KLHL8: variants seen among roughly 807,000 people sequenced by gnomAD.
KLHL8 encodes kelch like family member 8.
Under a neutral mutation model 63.5 loss-of-function variants are expected in KLHL8, and 38 were observed. That is an observed-to-expected ratio of 0.60 (90% CI 0.46 to 0.78). KLHL8 has a LOEUF of 0.78. Ranked by LOEUF, KLHL8 falls within the 30% of genes least tolerant of loss-of-function variation. The probability of loss-of-function intolerance (pLI) is 0.00; values close to 1 mark genes in which losing one functional copy is unlikely to be tolerated. For missense variants in KLHL8, 566 were observed against 752.4 expected, an observed-to-expected ratio of 0.75 and a Z score of 2.90; for synonymous variants, 224 against 254.3, an observed-to-expected ratio of 0.88 and a Z score of 1.13.
At chr4:87,183,180 A>T in intron 4 of KLHL8, 23 bp downstream of exon 4, 1 of 1,553,526 alleles carries the variant, frequency 6.4e-7, no homozygotes, top group Non-Finnish European at 8.8e-7. Context: ...CTTCCAGGAG[A>T]ATTGACAAAA....
chr4:87,217,195 G>A (rs1732627517), intron 1 of KLHL8, among the ~76,000 whole-genome samples: 1 of 151,516 alleles, frequency 6.6e-6, no homozygotes, highest in South Asian at 2.1e-4. Flanking sequence ...TATTTAAAAT[G>A]CTCAACTCCC....
At chr4:87,176,693 C>T (rs999566697) in intron 6 of KLHL8, 64 bp downstream of exon 6, 8 of 928,082 alleles carry the variant, frequency 8.6e-6, no homozygotes, top group Non-Finnish European at 1.3e-5. Context: ...TAAAATAAGG[C>T]CTTTAAATTT....
At chr4:87,207,456 C>T in intron 1 of KLHL8, 3 of 730,456 alleles carry the variant, frequency 4.1e-6, no homozygotes, top group Non-Finnish European at 7.5e-6. Context: ...TCTCTCCCCA[C>T]TTTGTTGACG....
At chr4:87,171,384 G>GTTATATTTAGTT (rs1455763001) in intron 6 of KLHL8, among the ~76,000 whole-genome samples, 14 of 152,074 alleles carry the variant, frequency 9.2e-5, no homozygotes, top group Non-Finnish European at 1.3e-4. Flanking sequence ...TGAAGTATTA[G>GTTATATTTAGTT]CTTTTATTAT....
chr4:87,197,923 T>C (rs1441928256), intron 1 of KLHL8, among the ~76,000 whole-genome samples: 1 of 149,294 alleles, frequency 6.7e-6, no homozygotes, highest in Non-Finnish European at 1.5e-5. Context: ...AACTCTGTCA[T>C]TGTAACACAA....
intron 1 of KLHL8, among the ~76,000 whole-genome samples, chr4:87,214,879 G>C (rs1428503926): frequency 6.6e-6 from 1 of 151,956 alleles, no homozygotes; most frequent in Non-Finnish European, 1.5e-5. Context: ...GCTCACTGCA[G>C]CCTCCTCCTC....
chr4:87,191,093 G>T (rs959742332), intron 2 of KLHL8, among the ~76,000 whole-genome samples: 1 of 152,128 alleles, frequency 6.6e-6, no homozygotes. Flanking sequence ...TATTTAAAAT[G>T]AATAGTGAAG....
intron 1 of KLHL8, among the ~76,000 whole-genome samples, chr4:87,235,655 T>C (rs1578413850): frequency 6.6e-6 from 1 of 152,226 alleles, no homozygotes; most frequent in Non-Finnish European, 1.5e-5. Flanking sequence ...TCACCTAGCA[T>C]GATCTCTATA....
At position 87,162,256 on chromosome 4, in the gene KLHL8, T is replaced by C. The variant is rs1730202410; in HGVS notation, c.*1263A>G. 6.6e-6 allele frequency: 1 copy of C among 152,208 alleles called. No homozygotes were observed. Among genetic ancestry groups the C allele is most frequent in the Non-Finnish European group, 1.5e-5 (1 of 68,032 alleles). 9.4% of individuals were successfully genotyped at this position (152,208 alleles called of 1,614,324 possible). A position where few individuals can be genotyped will look rare whatever the true frequency, so the allele number is the denominator to read the frequency against. On this transcript the variant is annotated 3_prime_UTR_variant, in exon 10 of 10. Coordinates refer to ENST00000273963, the MANE Select transcript of KLHL8 (RefSeq NM_020803.5). ...ATATTTTCATGTTCTTGATAAATATTTATAAAAAAATATACATATAATGAA... is the reference window on the plus strand; with the variant it reads ...ATATTTTCATGTTCTTGATAAATATCTATAAAAAAATATACATATAATGAA...
At chr4:87,205,475 C>T (rs920584513) in intron 1 of KLHL8, among the ~76,000 whole-genome samples, 5 of 152,170 alleles carry the variant, frequency 3.3e-5, no homozygotes, top group Admixed American at 3.3e-4. Context: ...AAAACACTAT[C>T]TGCCGTCATC....
chr4:87,171,177 CA>C (rs563315191), intron 6 of KLHL8, among the ~76,000 whole-genome samples: 27 of 147,580 alleles, frequency 1.8e-4, no homozygotes, highest in Non-Finnish European at 2.7e-4. Context: ...TAACAGTGAT[CA>C]AAAAAAAAAC....
At position 87,160,652 on chromosome 4, in the gene KLHL8, C is replaced by T. The variant is rs1730122614; in HGVS notation, c.*2867G>A. 1.3e-5 allele frequency: 2 copies of T among 152,200 alleles called. No homozygotes were observed. The highest frequency in any genetic ancestry group is 4.1e-4 in the South Asian group (2 of 4,828). 9.4% of individuals were successfully genotyped at this position (152,200 alleles called of 1,614,324 possible). On this transcript the variant is annotated 3_prime_UTR_variant, in exon 10 of 10. Transcript: ENST00000273963. The stretch of plus-strand genomic sequence containing the variant: ...AGTATATAGTGAAATCTGTCAAAAA[C>T]AATGTCAAGTAACTTGTTTTTAAAG...
chr4:87,195,185 A>G, intron 2 of KLHL8, 139 bp downstream of exon 2: 1 of 635,386 alleles, frequency 1.6e-6, no homozygotes, highest in Non-Finnish European at 2.7e-6. Context: ...CTACACTAAA[A>G]AAAAAGATTG....
At chr4:87,229,922 A>G (rs1733105065) in intron 1 of KLHL8, among the ~76,000 whole-genome samples, 1 of 152,010 alleles carries the variant, frequency 6.6e-6, no homozygotes, top group South Asian at 2.1e-4. Context: ...TTAAAAGAAT[A>G]TTCGTTTTAC....
intron 1 of KLHL8, among the ~76,000 whole-genome samples, chr4:87,233,519 G>A (rs1021815544): frequency 3.3e-5 from 5 of 152,034 alleles, no homozygotes; most frequent in African/African-American, 7.2e-5. Context: ...GTTGCAGTGC[G>A]CTGAGACTGT....
At chr4:87,203,375 A>C (rs1441458593) in intron 1 of KLHL8, among the ~76,000 whole-genome samples, 2 of 151,884 alleles carry the variant, frequency 1.3e-5, no homozygotes, top group Non-Finnish European at 2.9e-5. Flanking sequence ...GTCTCTACTA[A>C]AAAAATACAA....
At chr4:87,164,525 TAA>T (rs1376958884) in intron 8 of KLHL8, among the ~76,000 whole-genome samples, 1 of 152,146 alleles carries the variant, frequency 6.6e-6, no homozygotes, top group South Asian at 2.1e-4. Flanking sequence ...AGATAAAAGT[TAA>T]AGTTTTCCAA....
intron 8 of KLHL8, 120 bp from the exon 9 acceptor site, chr4:87,164,199 AT>A: frequency 2.2e-6 from 2 of 921,902 alleles, no homozygotes; most frequent in African/African-American, 1.7e-5. Flanking sequence ...TTTAGAGAAA[AT>A]TTTTTTAAAA....
intron 1 of KLHL8, chr4:87,240,183 C>T (rs1192754885): frequency 1.3e-5 from 2 of 152,184 alleles, no homozygotes; most frequent in South Asian, 2.1e-4. Context: ...AAGTTTCTGT[C>T]TTCTACTTCA....
Sources: allele counts gnomAD v4.1 joint callset (sites outside exome capture counted in the v4.1 genomes callset), GRCh38; gene constraint gnomAD v4.1.1; transcripts MANE v1.5; gene names NCBI Gene and HGNC (gene_info 2026-07-23, HGNC 2026-07-21).